ADCY2: variants seen among roughly 807,000 people sequenced by gnomAD.
ADCY2 encodes adenylate cyclase 2, also known as adenylate cyclase type 2.
Under a neutral mutation model 125.2 loss-of-function variants are expected in ADCY2, and 31 were observed. The observed-to-expected ratio is 0.25, with a 90% CI of 0.19 to 0.33. ADCY2 has a LOEUF of 0.33. Ranked by LOEUF, ADCY2 falls within the 10% of genes least tolerant of loss-of-function variation. ADCY2 has a pLI of 1.00. For synonymous variants in ADCY2, 512 were observed against 548.4 expected, an observed-to-expected ratio of 0.93 and a Z score of 0.93; for missense variants, 904 against 1,418.2, an observed-to-expected ratio of 0.64 and a Z score of 5.82.
intron 14 of ADCY2, among the ~76,000 whole-genome samples, chr5:7,738,527 C>CAAA (rs1579375132): frequency 6.6e-6 from 1 of 151,162 alleles, no homozygotes; most frequent in African/African-American, 2.4e-5. Flanking sequence ...AGCAATGGGG[C>CAAA]AAATAAACAA....
intron 4 of ADCY2, among the ~76,000 whole-genome samples, chr5:7,630,788 CT>C (rs149391909): frequency 2.2e-3 from 293 of 132,130 alleles, no homozygotes; most frequent in South Asian, 2.4e-3. Context: ...CTCTCCTTGT[CT>C]TTTTTTTTTT....
rs757303083 is a variant in ADCY2, at chr5:7,396,369, G to C, written c.73G>C (p.Gly25Arg). The change falls in exon 1 of 25, where the codon GGG becomes CGG. Residue 25 changes from glycine (G) to arginine (R), a missense_variant. Coordinates refer to ENST00000338316, the MANE Select transcript of ADCY2 (RefSeq NM_020546.3). The surrounding 1 kb of genome is among the most constrained non-coding windows in gnomAD (Gnocchi z 5.7). ...RSEEAAGGGD[G>R]LPRSRDWLYE... is the part of the protein sequence containing the mutation. Reference sequence around the variant, plus strand: ...CGAGGAGGCGGCGGGCGGCGGAGACGGGCTGCCGCGGTCCCGGGACTGGCT... The same window carrying C: ...CGAGGAGGCGGCGGGCGGCGGAGACCGGCTGCCGCGGTCCCGGGACTGGCT... 6.4e-7 allele frequency: 1 copy of C among 1,555,370 alleles called. No individual in the cohort carries two copies. The highest frequency in any genetic ancestry group is 1.4e-5 in the African/African-American group (1 of 70,372).
Position 7,723,091 on chromosome 5 carries a change from G to C in ADCY2, c.1704-1454G>C, listed in dbSNP as rs184175003. 1.2e-4 allele frequency among the ~76,000 whole-genome samples: 18 copies of C among 146,524 alleles called. 1 individual carries two copies. In the East Asian group the frequency reaches 3.9e-3, roughly 32 times the overall value. ...ATATTCTCCCTTATAAGTGGGATGA[G>C]AGATGAGAACACACGGACACATAGA... On this transcript the variant is annotated intron_variant, in intron 12 of 24. Coordinates refer to ENST00000338316, the MANE Select transcript of ADCY2 (RefSeq NM_020546.3).
At chr5:7,556,726 G>C (rs1028055551) in intron 3 of ADCY2, among the ~76,000 whole-genome samples, 1 of 152,136 alleles carries the variant, frequency 6.6e-6, no homozygotes, top group African/African-American at 2.4e-5. Flanking sequence ...CTCCGCCTCT[G>C]TTACAACAGC....
At chr5:7,826,691 C>T (rs771962590) in intron 24 of ADCY2, 28 bp from the exon 25 acceptor site, 56 of 1,613,630 alleles carry the variant, frequency 3.5e-5, no homozygotes, top group South Asian at 3.0e-4. Flanking sequence ...GTACTAAGCC[C>T]GTTTTCCCGT....
chr5:7,537,667 C>T (rs769676149), intron 3 of ADCY2, among the ~76,000 whole-genome samples: 13 of 152,232 alleles, frequency 8.5e-5, no homozygotes, highest in Non-Finnish European at 1.5e-4. Flanking sequence ...TCCAGGTGCT[C>T]ATTCTAAAAC....
intron 3 of ADCY2, among the ~76,000 whole-genome samples, chr5:7,575,220 A>G (rs993787299): frequency 1.3e-5 from 2 of 152,168 alleles, no homozygotes; most frequent in Non-Finnish European, 2.9e-5. Flanking sequence ...GCATTTTAAT[A>G]TAATCTTTGG....
intron 4 of ADCY2, among the ~76,000 whole-genome samples, chr5:7,653,798 T>C (rs1444530369): frequency 6.6e-6 from 1 of 152,154 alleles, no homozygotes; most frequent in African/African-American, 2.4e-5. Flanking sequence ...ATTGACACTT[T>C]TTTTCCCATG....
chr5:7,715,710 C>A (rs1741572406), intron 11 of ADCY2, among the ~76,000 whole-genome samples: 2 of 152,070 alleles, frequency 1.3e-5, no homozygotes, highest in Non-Finnish European at 1.5e-5. Context: ...CTGCTCTCAG[C>A]CTGTTTGAAG....
At chr5:7,666,567 C>T (rs1049350846) in intron 4 of ADCY2, among the ~76,000 whole-genome samples, 3 of 152,358 alleles carry the variant, frequency 2.0e-5, no homozygotes, top group East Asian at 1.9e-4. Context: ...TGTGCTTGGC[C>T]GGGTGGAGTT....
At chr5:7,713,014 C>A in intron 11 of ADCY2, 115 bp downstream of exon 11, 2 of 711,162 alleles carry the variant, frequency 2.8e-6, no homozygotes, top group South Asian at 2.0e-5. Flanking sequence ...GCAGCTCCCC[C>A]TGAAAAGCCC....
At chr5:7,467,137 A>C (rs1263211070) in intron 2 of ADCY2, among the ~76,000 whole-genome samples, 1 of 152,214 alleles carries the variant, frequency 6.6e-6, no homozygotes, top group Non-Finnish European at 1.5e-5. Flanking sequence ...CCAAAATGCC[A>C]GCCAGTTCAT....
chr5:7,590,575 A>G (rs193118133), intron 3 of ADCY2, among the ~76,000 whole-genome samples: 3 of 152,284 alleles, frequency 2.0e-5, no homozygotes, highest in African/African-American at 7.2e-5. Context: ...CATGTTAAAA[A>G]AAAAAAAGCA....
chr5:7,667,527 C>T (rs1391527076), intron 4 of ADCY2, among the ~76,000 whole-genome samples: 1 of 152,074 alleles, frequency 6.6e-6, no homozygotes, highest in Non-Finnish European at 1.5e-5. Context: ...GATAATATCC[C>T]CTTCCAAGCT....
intron 2 of ADCY2, among the ~76,000 whole-genome samples, chr5:7,432,897 A>AACATGTACTGCTTATTGT (rs1554008369): frequency 6.6e-6 from 1 of 151,638 alleles, no homozygotes; most frequent in African/African-American, 2.4e-5. Flanking sequence ...GTACAATTTC[A>AACATGTACTGCTTATTGT]ACATGTACTG....
intron 4 of ADCY2, among the ~76,000 whole-genome samples, chr5:7,660,243 G>A (rs199915092): frequency 2.5e-5 from 1 of 40,444 alleles, no homozygotes; most frequent in Non-Finnish European, 7.2e-5. Flanking sequence ...AGGGAGAGAA[G>A]GAAGGAAGGA....
intron 4 of ADCY2, among the ~76,000 whole-genome samples, chr5:7,661,868 T>C (rs1005559720): frequency 1.3e-5 from 2 of 152,144 alleles, no homozygotes; most frequent in Non-Finnish European, 2.9e-5. Context: ...TATGAGAGTG[T>C]TTAGAGTGTT....
chr5:7,647,999 G>C (rs535538521), intron 4 of ADCY2, among the ~76,000 whole-genome samples: 5 of 152,302 alleles, frequency 3.3e-5, no homozygotes, highest in African/African-American at 1.2e-4. Flanking sequence ...ATGCGCTCTG[G>C]ACTTCAGTTT....
chr5:7,773,119 C>T lies in ADCY2; in HGVS notation c.2384+18C>T. ...TTTGAGAGGTGAGCCACGGCCTCTT[C>T]CTTCTCTTACTATAGTTCTTTCCCA... On this transcript the variant is annotated intron_variant, in intron 18 of 24. Coordinates refer to ENST00000338316, the MANE Select transcript of ADCY2 (RefSeq NM_020546.3). 1 of 1,611,430 alleles carries T rather than the reference C, an allele frequency of 6.2e-7. No homozygotes were observed. Among genetic ancestry groups the T allele is most frequent in the Non-Finnish European group, 8.5e-7 (1 of 1,178,548 alleles).
Sources: gnomAD v4.1 joint callset for allele counts (sites outside exome capture counted in the v4.1 genomes callset) on GRCh38, gnomAD v4.1.1 for gene constraint, Gnocchi (gnomAD v3.1) non-coding constraint, MANE v1.5 for transcripts, NCBI Gene and HGNC (gene_info 2026-07-23, HGNC 2026-07-21) for gene names.